The following DMD variants were observed in gnomAD, a reference collection of about 807,000 sequenced individuals.
DMD encodes dystrophin.
In DMD, 63 loss-of-function variants were observed where a neutral mutation model predicts 330.1. That is an observed-to-expected ratio of 0.19 (90% confidence interval 0.16 to 0.24). The LOEUF is 0.24. Among genes scored for constraint, DMD ranks in the 10% least tolerant of loss-of-function variants. The pLI is 1.00. For missense variants in DMD, 3,344 were observed against 2,684.1 expected, an observed-to-expected ratio of 1.25 and a Z score of -5.43; for synonymous variants, 1,223 against 959.8, an observed-to-expected ratio of 1.27 and a Z score of -5.07.
At chrX:32,750,853 G>A (rs917845167) in intron 7 of DMD, among the ~76,000 whole-genome samples, 1 of 111,390 alleles carries the variant, frequency 9.0e-6, no homozygotes, top group Non-Finnish European at 1.9e-5. Context: ...TGGATCATGG[G>A]GTCAGGTATT....
intron 52 of DMD, among the ~76,000 whole-genome samples, chrX:31,728,341 A>G (rs1489214473): frequency 1.8e-5 from 2 of 111,938 alleles, no homozygotes; most frequent in African/African-American, 6.5e-5. Flanking sequence ...CTGTTCTTGG[A>G]ACCTGTTTTC....
intron 9 of DMD, among the ~76,000 whole-genome samples, chrX:32,692,695 C>T (rs777571603): frequency 6.3e-5 from 7 of 111,900 alleles, no homozygotes; most frequent in East Asian, 2.8e-4. Flanking sequence ...ATCTTTTACT[C>T]GGTATATTAA....
chrX:31,272,826 T>C (rs1318906129), intron 62 of DMD, among the ~76,000 whole-genome samples: 2 of 112,472 alleles, frequency 1.8e-5, no homozygotes, highest in Admixed American at 9.5e-5. Context: ...AATTCTATTT[T>C]ATCAGACTTT....
chrX:32,359,964 T>A (rs1019992468), intron 37 of DMD, among the ~76,000 whole-genome samples: 15 of 111,243 alleles, frequency 1.3e-4, no homozygotes, highest in African/African-American at 4.6e-4. Context: ...TGTTAGTCTA[T>A]TTTAACTTCC....
intron 19 of DMD, among the ~76,000 whole-genome samples, chrX:32,498,752 A>G (rs10522002): frequency 0.075 from 8,401 of 111,722 alleles, 427 homozygotes; most frequent in African/African-American, 0.17. Flanking sequence ...CCAATTGATC[A>G]TAAAACTTGT....
At chrX:32,011,529 C>T (rs1252663566) in intron 44 of DMD, among the ~76,000 whole-genome samples, 2 of 111,518 alleles carry the variant, frequency 1.8e-5, no homozygotes, top group African/African-American at 6.5e-5. Flanking sequence ...AGGGAAAATA[C>T]GGAATTCAGG....
intron 2 of DMD, among the ~76,000 whole-genome samples, chrX:32,855,274 C>A (rs1193540019): frequency 1.8e-5 from 2 of 111,840 alleles, no homozygotes; most frequent in East Asian, 5.6e-4. Context: ...CAAGGATGCC[C>A]ACTTTCACTA....
chrX:32,714,035 G>C (rs2065440634), intron 7 of DMD, among the ~76,000 whole-genome samples: 1 of 111,870 alleles, frequency 8.9e-6, no homozygotes, highest in Admixed American at 9.5e-5. Context: ...AGTAGTGACA[G>C]TGAAAAATGG....
chrX:31,856,417 T>C (rs780594835), intron 48 of DMD, among the ~76,000 whole-genome samples: 1 of 112,135 alleles, frequency 8.9e-6, no homozygotes, highest in Non-Finnish European at 1.9e-5. Flanking sequence ...TATTCACTGT[T>C]AATCTAACGG....
At chrX:31,977,213 A>G in intron 44 of DMD, among the ~76,000 whole-genome samples, 1 of 112,208 alleles carries the variant, frequency 8.9e-6, no homozygotes, top group Admixed American at 9.4e-5. Flanking sequence ...ATTTGTTGAT[A>G]AATTGAGCAG....
intron 48 of DMD, among the ~76,000 whole-genome samples, chrX:31,859,930 T>G (rs1175689147): frequency 8.9e-6 from 1 of 112,000 alleles, no homozygotes; most frequent in Non-Finnish European, 1.9e-5. Context: ...GCGTTCTGTC[T>G]GCCAATCAAA....
At chrX:31,455,811 C>T (rs7066525) in intron 59 of DMD, among the ~76,000 whole-genome samples, 24,660 of 110,953 alleles carry the variant, frequency 0.22, 2,800 homozygotes, top group African/African-American at 0.44. Context: ...GTGGTGGTGG[C>T]ACAAGTTAGT....
intron 11 of DMD, among the ~76,000 whole-genome samples, chrX:32,632,455 G>A (rs1426043110): frequency 8.9e-6 from 1 of 112,481 alleles, no homozygotes; most frequent in African/African-American, 3.2e-5. Context: ...CAATGCCCCA[G>A]TGGGGACTAC....
chrX:32,794,148 A>G lies in DMD; in HGVS notation c.649+15345T>C, dbSNP rs1009017454. On this transcript the variant is annotated intron_variant, in intron 7 of 78. Transcript: ENST00000357033. ...ACATGATCCTTTCAATAGACACAAA[A>G]GAACATTTCATAAAATTTAACATCC... Among the ~76,000 whole-genome samples, 5 of 112,446 alleles carry G rather than the reference A, an allele frequency of 4.4e-5. No individual in the cohort carries two copies. In the East Asian group the frequency reaches 1.1e-3, roughly 25 times the overall value.
At chrX:33,094,074 GTGT>G (rs1196122249) in intron 1 of DMD, among the ~76,000 whole-genome samples, 1 of 110,340 alleles carries the variant, frequency 9.1e-6, no homozygotes, top group Non-Finnish European at 1.9e-5. Context: ...TTGAAAATGT[GTGT>G]TTTTTTTTTC....
At chrX:32,032,332 T>G (rs1003130956) in intron 44 of DMD, among the ~76,000 whole-genome samples, 3 of 111,571 alleles carry the variant, frequency 2.7e-5, no homozygotes, top group Non-Finnish European at 5.7e-5. Context: ...TGCTAGTGAT[T>G]TGTTAAACAT....
Position 32,908,536 on chromosome X carries a change from G to A in DMD, c.94-58716C>T, listed in dbSNP as rs534097104. 1.1e-4 allele frequency among the ~76,000 whole-genome samples: 12 copies of A among 111,931 alleles called. No individual in the cohort carries two copies. The South Asian group carries it at 3.3e-3, about 31-fold the overall frequency. ...AGCATTTTATGAGAGATCCTGTATC[G>A]TCATATTGGTGAATTTAAAATGATT... On this transcript the variant is annotated intron_variant, in intron 2 of 78. Transcript: ENST00000357033.
chrX:32,278,560 A>C (rs2097399981), intron 43 of DMD, among the ~76,000 whole-genome samples: 1 of 111,559 alleles, frequency 9.0e-6, no homozygotes, highest in African/African-American at 3.3e-5. Flanking sequence ...CCCATCAAAA[A>C]GTGGGTGAAG....
chrX:31,679,535 C>T lies in DMD; in HGVS notation c.7712G>A (p.Arg2571Gln), dbSNP rs371588290. Residue 2571 changes from arginine to glutamine, a missense_variant, in exon 53 of 79, where the codon CGG (arginine) becomes CAG (glutamine). By Grantham distance (43) the Arg-to-Gln change is conservative. Coordinates refer to ENST00000357033, the MANE Select transcript of DMD (RefSeq NM_004006.3). Reference protein sequence around the residue: ...WDEVQEHLQNRRQQLNEMLKD... With the variant: ...WDEVQEHLQNQRQQLNEMLKD... ...TAACATTTCATTCAACTGTTGCCTC[C>T]GGTTCTGAAGGTGTTCTTGTACTTC... is the stretch of plus-strand genomic sequence containing the variant. 18 of 1,209,982 alleles carry T rather than the reference C, an allele frequency of 1.5e-5. No individual in the cohort carries two copies. Among genetic ancestry groups the T allele is most frequent in the African/African-American group, 3.5e-5 (2 of 57,209 alleles).
Sources: gnomAD v4.1 joint callset for allele counts (sites outside exome capture counted in the v4.1 genomes callset) on GRCh38, gnomAD v4.1.1 for gene constraint, MANE v1.5 for transcripts, NCBI Gene and HGNC (gene_info 2026-07-23, HGNC 2026-07-21) for gene names.